Variants in AKT3 observed in about 807,000 individuals in gnomAD.
The protein encoded by AKT3 is AKT serine/threonine kinase 3.
A neutral mutation model predicts 65.3 loss-of-function variants in AKT3; 15 were observed. That is an observed-to-expected ratio of 0.23 (90% confidence interval 0.15 to 0.35). AKT3 has a LOEUF of 0.35. AKT3 is among the 10% of genes least tolerant of loss of function. The probability of loss-of-function intolerance (pLI) is 1.00; values close to 1 mark genes in which losing one functional copy is unlikely to be tolerated. For missense variants in AKT3, 243 were observed against 576.5 expected (o/e 0.42, Z 5.92); for synonymous variants, 206 against 183.8 (o/e 1.12, Z -0.98).
chr1:243,488,863 T>C, intron 13 of AKT3: 1 of 1,022,596 alleles, frequency 9.8e-7, no homozygotes, highest in Non-Finnish European at 1.5e-6. Context: ...ACCAAGGACC[T>C]AGTGCCAGCC....
At chr1:243,796,398 T>C (rs765220902) in intron 2 of AKT3, among the ~76,000 whole-genome samples, 4 of 152,248 alleles carry the variant, frequency 2.6e-5, no homozygotes, top group Admixed American at 1.3e-4. Flanking sequence ...ACAAGGATGC[T>C]TGTCCACACA....
chr1:243,800,058 A>G (rs1692285481), intron 2 of AKT3, among the ~76,000 whole-genome samples: 1 of 152,044 alleles, frequency 6.6e-6, no homozygotes. Context: ...TTTAAATGTC[A>G]GTATTCTCCA....
At chr1:243,543,910 T>C (rs774497338) in intron 12 of AKT3, among the ~76,000 whole-genome samples, 1 of 152,156 alleles carries the variant, frequency 6.6e-6, no homozygotes, top group East Asian at 1.9e-4. Flanking sequence ...ATACTCCCAG[T>C]AACCAATAAC....
Position 243,505,373 on chromosome 1 carries a change from ATTT to A in AKT3, c.1355-42_1355-40del, listed in dbSNP as rs111322893. On this transcript the variant is annotated intron_variant, in intron 13 of 13. Coordinates refer to ENST00000673466, the MANE Select transcript of AKT3 (RefSeq NM_005465.7). ...ACATCTATTTTAATTTTACACATTCATTTTTTGCAACATTATCTCTAGTCTATG... is the reference window on the plus strand; with the variant it reads ...ACATCTATTTTAATTTTACACATTCATTTGCAACATTATCTCTAGTCTATG... The A allele has an allele frequency of 1.1e-4, 180 of 1,572,154 alleles. 1 individual carries two copies. In the African/African-American group the frequency reaches 2.1e-3, roughly 18 times the overall value.
chr1:243,804,492 CAT>C (rs1185900454), intron 2 of AKT3, among the ~76,000 whole-genome samples: 3 of 152,152 alleles, frequency 2.0e-5, no homozygotes, highest in Non-Finnish European at 4.4e-5. Flanking sequence ...CATTACCTCA[CAT>C]AGTTATCATT....
At chr1:243,716,578 C>G (rs2148096047) in intron 2 of AKT3, among the ~76,000 whole-genome samples, 1 of 152,252 alleles carries the variant, frequency 6.6e-6, no homozygotes, top group Admixed American at 6.5e-5. Flanking sequence ...ACTTCCTCAG[C>G]AGAAATTCGA....
At chr1:243,555,591 T>C (rs1030720619) in intron 10 of AKT3, among the ~76,000 whole-genome samples, 2 of 152,144 alleles carry the variant, frequency 1.3e-5, no homozygotes, top group African/African-American at 4.8e-5. Context: ...AACTTAAGGA[T>C]TGCAAATTCT....
At chr1:243,720,512 T>C (rs867961532) in intron 2 of AKT3, among the ~76,000 whole-genome samples, 2 of 151,678 alleles carry the variant, frequency 1.3e-5, no homozygotes, top group Non-Finnish European at 2.9e-5. Context: ...TAATATAATC[T>C]TCATGTGTTT....
chr1:243,742,060 A>T (rs1422546882), intron 2 of AKT3, among the ~76,000 whole-genome samples: 39 of 12,056 alleles, frequency 3.2e-3, no homozygotes, highest in South Asian at 0.018. Flanking sequence ...ATAGAAAATT[A>T]AAAAAAAAAA....
intron 6 of AKT3, among the ~76,000 whole-genome samples, chr1:243,632,261 A>G (rs1558668197): frequency 6.6e-6 from 1 of 152,230 alleles, no homozygotes; most frequent in Non-Finnish European, 1.5e-5. Context: ...TGCAGAATGG[A>G]CGTTGATAAT....
intron 3 of AKT3, among the ~76,000 whole-genome samples, chr1:243,689,176 T>C (rs1684527612): frequency 6.6e-6 from 1 of 152,166 alleles, no homozygotes; most frequent in African/African-American, 2.4e-5. Flanking sequence ...AATTCTTACA[T>C]ATAAAAATTT....
chr1:243,675,222 T>G (rs564662054), intron 3 of AKT3, among the ~76,000 whole-genome samples: 1 of 152,338 alleles, frequency 6.6e-6, no homozygotes, highest in Admixed American at 6.5e-5. Context: ...TTTTTTGAGA[T>G]GGAGCCTTGC....
intron 6 of AKT3, among the ~76,000 whole-genome samples, chr1:243,618,625 T>G (rs2148615649): frequency 6.6e-6 from 1 of 152,288 alleles, no homozygotes; most frequent in South Asian, 2.1e-4. Context: ...GAAATACAAA[T>G]TTACATATAT....
chr1:243,489,786 C>G (rs768971967), intron 13 of AKT3, among the ~76,000 whole-genome samples: 3 of 152,190 alleles, frequency 2.0e-5, no homozygotes, highest in Non-Finnish European at 4.4e-5. Flanking sequence ...ACACCGCAAA[C>G]GGAGGCTAAG....
chr1:243,560,728 A>G (rs1673717575), intron 10 of AKT3, among the ~76,000 whole-genome samples: 1 of 152,156 alleles, frequency 6.6e-6, no homozygotes, highest in Non-Finnish European at 1.5e-5. Context: ...CCATTCAGAA[A>G]CAAGTGGACT....
At chr1:243,585,591 C>G (rs1675740261) in intron 8 of AKT3, among the ~76,000 whole-genome samples, 1 of 152,040 alleles carries the variant, frequency 6.6e-6, no homozygotes, top group Non-Finnish European at 1.5e-5. Flanking sequence ...AGCCAGCCAC[C>G]TACAATAATC....
chr1:243,681,173 CTGTT>C (rs1238644246), intron 3 of AKT3, among the ~76,000 whole-genome samples: 18 of 152,278 alleles, frequency 1.2e-4, no homozygotes, highest in Admixed American at 8.5e-4. Context: ...ATAAAATAGA[CTGTT>C]TGTCCTCCAA....
rs1441880367 is a variant in AKT3, at chr1:243,703,744, C to T, written c.47-8028G>A. Among the ~76,000 whole-genome samples the T allele has an allele frequency of 2.5e-5, 3 of 121,188 alleles. No individual in the cohort carries two copies. The East Asian group carries it at 6.7e-4, about 27-fold the overall frequency. 79.5% of individuals were successfully genotyped at this position (121,188 alleles called of 152,430 possible). On this transcript the variant is annotated intron_variant, in intron 2 of 13. Transcript: ENST00000673466. ...CCACTGCACTCCAATCTCAGCAACACAGCAAGACTCCATCTCAAAAAAAAA... is the reference window on the plus strand; with the variant it reads ...CCACTGCACTCCAATCTCAGCAACATAGCAAGACTCCATCTCAAAAAAAAA...
intron 4 of AKT3, among the ~76,000 whole-genome samples, chr1:243,653,612 T>C (rs927035339): frequency 1.3e-5 from 2 of 152,202 alleles, no homozygotes; most frequent in South Asian, 4.1e-4. Flanking sequence ...ATACTAGGTA[T>C]ATCAAGGTGG....
Sources: gnomAD v4.1 joint callset for allele counts (sites outside exome capture counted in the v4.1 genomes callset) on GRCh38, gnomAD v4.1.1 for gene constraint, MANE v1.5 for transcripts, NCBI Gene and HGNC (gene_info 2026-07-23, HGNC 2026-07-21) for gene names.